MYNN: variants seen among roughly 807,000 people sequenced by gnomAD.
The protein encoded by MYNN is zinc finger and BTB domain-containing protein 31.
Under a neutral mutation model 57.2 loss-of-function variants are expected in MYNN, and 22 were observed. That is an observed-to-expected ratio of 0.38 (90% CI 0.27 to 0.55). The LOEUF (loss-of-function observed/expected upper bound fraction) is 0.55. MYNN is among the 20% of genes least tolerant of loss of function. MYNN has a pLI of 0.71. For missense variants in MYNN, 566 were observed against 723.1 expected (o/e 0.78, Z 2.49); for synonymous variants, 241 against 257.1 (o/e 0.94, Z 0.60).
rs1311909214 is a variant in MYNN, at chr3:169,786,751, T to C, written c.*73T>C. On this transcript the variant is annotated 3_prime_UTR_variant, in exon 8 of 8. Coordinates refer to ENST00000349841, the MANE Select transcript of MYNN (RefSeq NM_018657.5). ...CTCTGGTAAGGTGCATATATTCATATTAAATTCCCATTCATTTGAGTTGTG... is the reference window on the plus strand; with the variant it reads ...CTCTGGTAAGGTGCATATATTCATACTAAATTCCCATTCATTTGAGTTGTG... 1.6e-5 allele frequency: 23 copies of C among 1,421,168 alleles called. No homozygotes were observed. The highest frequency in any genetic ancestry group is 2.1e-5 in the Non-Finnish European group (22 of 1,040,974). The allele number at this position is 1,421,168 out of a possible 1,614,324, so 88.0% of individuals were successfully genotyped here.
Position 169,788,707 on chromosome 3 carries a change from TGAGC to T in MYNN, c.*2030_*2033del, listed in dbSNP as rs1305753114. ...TACGATTGAAGTGGCTAAGATTGAT[TGAGC>T]TTTTCTTGATCACATTTTCTGCTTC... On this transcript the variant is annotated 3_prime_UTR_variant, in exon 8 of 8. Coordinates refer to ENST00000349841, the MANE Select transcript of MYNN (RefSeq NM_018657.5). 2.0e-5 allele frequency: 3 copies of T among 152,178 alleles called. No individual in the cohort carries two copies. Among genetic ancestry groups the T allele is most frequent in the African/African-American group, 7.2e-5 (3 of 41,462 alleles). The allele number at this position is 152,178 out of a possible 1,614,324, so 9.4% of individuals were successfully genotyped here. A position where few individuals can be genotyped will look rare whatever the true frequency, so the allele number is the denominator to read the frequency against.
In MYNN at chr3:169,779,127, T is replaced by C. The variant is rs778714964; in HGVS notation, c.626T>C (p.Val209Ala). Residue 209 changes from valine (V) to alanine (A), a missense_variant, in exon 3 of 8, where the codon GTT becomes GCT. Physicochemically the swap from Val to Ala is moderately conservative, Grantham distance 64. Around this residue, in one of 4 missense-constraint regions of MYNN, gnomAD observed 261 missense variants for 280.8 expected, o/e 0.93. Transcript: ENST00000349841. ...AGTGACATCTTAGAGAATGCATCTG[T>C]TGAATTATTCCTAGATGCAAATAAA... The part of the protein sequence containing the change: ...YPSDILENAS[V>A]ELFLDANKLP... 3 of 1,614,014 alleles carry C rather than the reference T, an allele frequency of 1.9e-6. No individual in the cohort carries two copies. Among genetic ancestry groups the C allele is most frequent in the Non-Finnish European group, 2.5e-6 (3 of 1,179,974 alleles).
In MYNN at chr3:169,787,004, A is replaced by T. The variant is rs1226483345; in HGVS notation, c.*326A>T. On this transcript the variant is annotated 3_prime_UTR_variant, in exon 8 of 8. Coordinates refer to ENST00000349841, the MANE Select transcript of MYNN (RefSeq NM_018657.5). ...CTTCATTTACTAAATCAGCCAGTTA[A>T]TGTGATTCAGTTGTGACCTGTGGGA... 1 of 261,716 alleles carries T rather than the reference A, an allele frequency of 3.8e-6. No homozygotes were observed. Among genetic ancestry groups the T allele is most frequent in the Non-Finnish European group, 7.5e-6 (1 of 132,658 alleles). 16.2% of individuals were successfully genotyped at this position (261,716 alleles called of 1,614,324 possible). A position where few individuals can be genotyped will look rare whatever the true frequency, so the allele number is the denominator to read the frequency against.
Position 169,787,378 on chromosome 3 carries a change from A to C in MYNN, c.*700A>C, listed in dbSNP as rs945027188. On this transcript the variant is annotated 3_prime_UTR_variant, in exon 8 of 8. Transcript: ENST00000349841. ...TATTTTCAAAATGAATTTTAAGTAG[A>C]TATTTGGTGTTTTTATCTTGTCAAA... 9.2e-5 allele frequency: 14 copies of C among 152,188 alleles called. No homozygotes were observed. Among genetic ancestry groups the C allele is most frequent in the Admixed American group, 8.5e-4 (13 of 15,284 alleles). The allele number at this position is 152,188 out of a possible 1,614,324, so 9.4% of individuals were successfully genotyped here.
rs17568472 is a variant in MYNN at position 169,774,448 on chromosome 3, G to A, written c.153G>A (p.Ala51=). 6.5e-3 allele frequency: 10,515 copies of A among 1,614,082 alleles called. 49 individuals are homozygous for A. Among genetic ancestry groups the A allele is most frequent in the Non-Finnish European group, 7.7e-3 (9,100 of 1,179,998 alleles). Residue 51 remains alanine, a synonymous_variant, in exon 2 of 8, where the codon GCG becomes GCA. Coordinates refer to ENST00000349841, the MANE Select transcript of MYNN (RefSeq NM_018657.5). ...VLASFSEYFG[A]IYRSTSENNV... ...CCTCCTTTAGTGAGTATTTTGGTGC[G>A]ATCTACAGAAGCACTTCTGAGAACA...
rs926141456 is a variant in MYNN at position 169,774,247 on chromosome 3, T to C, written c.-31-18T>C. 1.3e-6 allele frequency: 2 copies of C among 1,585,240 alleles called. No homozygotes were observed. The highest frequency in any genetic ancestry group is 1.7e-6 in the Non-Finnish European group (2 of 1,158,112). ...AGAACTTACGGTTACTGATTTACTG[T>C]TTCTTTTTGTCTTTTAGATCAAGGG... On this transcript the variant is annotated intron_variant, in intron 1 of 7. Coordinates refer to ENST00000349841, the MANE Select transcript of MYNN (RefSeq NM_018657.5).
At chr3:169,780,416 A>G in intron 3 of MYNN, 174 bp from the exon 4 acceptor site, 1 of 479,506 alleles carries the variant, frequency 2.1e-6, no homozygotes, top group Non-Finnish European at 3.6e-6. Flanking sequence ...AGAAACACTA[A>G]TTTCTTTTGA....
Position 169,782,708 on chromosome 3 carries a change from C to G in MYNN, c.1399+65C>G. The G allele has an allele frequency of 1.5e-6, 2 of 1,362,718 alleles. No individual in the cohort carries two copies. The highest frequency in any genetic ancestry group is 2.0e-6 in the Non-Finnish European group (2 of 993,630). 84.4% of individuals were successfully genotyped at this position (1,362,718 alleles called of 1,614,324 possible). ...AAATAAAAGAAAAAGGGGACTTGGG[C>G]CTTTTAGCGAAGTAGATCGGAAACT... On this transcript the variant is annotated intron_variant, in intron 5 of 7. Coordinates refer to ENST00000349841, the MANE Select transcript of MYNN (RefSeq NM_018657.5). The surrounding 1 kb of genome is among the most constrained non-coding windows in gnomAD (Gnocchi z 4.8).
At chr3:169,785,931 C>A (rs1342075745) in intron 7 of MYNN, among the ~76,000 whole-genome samples, 1 of 152,048 alleles carries the variant, frequency 6.6e-6, no homozygotes, top group Non-Finnish European at 1.5e-5. Flanking sequence ...CTGTTCTGAA[C>A]TCACAGAATA....
chr3:169,785,040 C>A (rs1778633015), intron 7 of MYNN, among the ~76,000 whole-genome samples: 1 of 123,618 alleles, frequency 8.1e-6, no homozygotes, highest in African/African-American at 3.2e-5. Flanking sequence ...CTGGATAACT[C>A]AGGGTTTACT....
rs1372468446 is a variant in MYNN, at chr3:169,786,655, A to G, written c.1810A>G (p.Ile604Val). ...TVNGYSEPQL[I>V]FLQQLY ...GAATGGGTATTCAGAACCACAGTTG[A>G]TTTTTTTACAACAATTATACTGACT... The change falls in exon 8 of 8, where the codon ATT becomes GTT. Residue 604 changes from isoleucine to valine, a missense_variant. By Grantham distance (29) the Ile-to-Val change is conservative (BLOSUM62 3). Transcript: ENST00000349841. 3 of 1,612,874 alleles carry G rather than the reference A, an allele frequency of 1.9e-6. No individual in the cohort carries two copies. Among genetic ancestry groups the G allele is most frequent in the Non-Finnish European group, 2.5e-6 (3 of 1,179,322 alleles).
chr3:169,786,863 T>C lies in MYNN; in HGVS notation c.*185T>C. ...GTTTTTATTTTTGGCTTTATGTCTA[T>C]ACTCCACAGAGAGCTTTTTAAGTAA... On this transcript the variant is annotated 3_prime_UTR_variant, in exon 8 of 8. Transcript: ENST00000349841. 1 of 597,014 alleles carries C rather than the reference T, an allele frequency of 1.7e-6. No individual in the cohort carries two copies. Among genetic ancestry groups the C allele is most frequent in the South Asian group, 2.2e-5 (1 of 45,098 alleles). 37.0% of individuals were successfully genotyped at this position (597,014 alleles called of 1,614,324 possible). A position where few individuals can be genotyped will look rare whatever the true frequency, so the allele number is the denominator to read the frequency against.
Position 169,786,620 on chromosome 3 carries a change from G to T in MYNN, c.1775G>T (p.Arg592Met). 1 of 1,613,446 alleles carries T rather than the reference G, an allele frequency of 6.2e-7. No homozygotes were observed. The highest frequency in any genetic ancestry group is 8.5e-7 in the Non-Finnish European group (1 of 1,179,562). Residue 592 changes from arginine (R) to methionine (M), a missense_variant, in exon 8 of 8, where the codon AGG becomes ATG. Coordinates refer to ENST00000349841, the MANE Select transcript of MYNN (RefSeq NM_018657.5). ...TQSPTSDTLL[R>M]STVNGYSEPQ... ...TCTCCTACATCAGATACATTGTTGAGGTCAACTGTGAATGGGTATTCAGAA... is the reference window on the plus strand; with the variant it reads ...TCTCCTACATCAGATACATTGTTGATGTCAACTGTGAATGGGTATTCAGAA...
intron 4 of MYNN, among the ~76,000 whole-genome samples, chr3:169,781,113 GAAAT>G (rs146383374): frequency 0.014 from 2,180 of 152,310 alleles, 28 homozygotes; most frequent in South Asian, 0.052. Context: ...AGCAGTGAAA[GAAAT>G]AAGTAGTAGT....
At chr3:169,784,808 G>C in intron 7 of MYNN, 100 bp downstream of exon 7, 1 of 648,896 alleles carries the variant, frequency 1.5e-6, no homozygotes, top group South Asian at 2.5e-5. Flanking sequence ...CATTTAAGCA[G>C]TTTAAATTAG....
At chr3:169,774,619 A>T in intron 2 of MYNN, 58 bp downstream of exon 2, 1 of 1,469,928 alleles carries the variant, frequency 6.8e-7, no homozygotes, top group East Asian at 2.3e-5. Flanking sequence ...TCACAGCAAA[A>T]GTAGATTTGT....
chr3:169,778,953 A>G lies in MYNN; in HGVS notation c.452A>G (p.Asn151Ser). 2.5e-6 allele frequency: 4 copies of G among 1,613,876 alleles called. No individual in the cohort carries two copies. Among genetic ancestry groups the G allele is most frequent in the Non-Finnish European group, 3.4e-6 (4 of 1,180,008 alleles). Residue 151 changes from asparagine (N) to serine (S), a missense_variant, in exon 3 of 8, where the codon AAT becomes AGT. Asn to Ser is a conservative substitution (Grantham distance 46). This residue lies in a region of MYNN where 261 missense variants were observed against 280.8 expected (regional missense o/e 0.93). Transcript: ENST00000349841. ...QTCLLTLRDY[N>S]NREKSEVSTD... ...TGTCTTCTTACTCTGCGAGATTATA[A>G]TAATCGAGAGAAATCAGAAGTATCT...
Position 169,784,628 on chromosome 3 carries a change from G to T in MYNN, c.1490G>T (p.Arg497Ile). The stretch of plus-strand genomic sequence containing the variant: ...CTTCTAATTTGTTTTTCAGGAGAAA[G>T]ACCATTTATCTGCGAATTATGTGGA... ...NKHFRSHTGERPFICELCGNS... is the reference protein window; with the variant it reads ...NKHFRSHTGEIPFICELCGNS... Residue 497 changes from arginine to isoleucine, a missense_variant, in exon 7 of 8, where the codon AGA becomes ATA. Physicochemically the swap from Arg to Ile is moderately conservative, Grantham distance 97. Transcript: ENST00000349841. 6.4e-7 allele frequency: 1 copy of T among 1,558,170 alleles called. No homozygotes were observed. The highest frequency in any genetic ancestry group is 1.2e-5 in the South Asian group (1 of 83,330).
rs759590366 is a variant in MYNN at position 169,786,617 on chromosome 3, T to G, written c.1772T>G (p.Leu591Trp). ...DTQSPTSDTL[L>W]RSTVNGYSEP... ...CAGTCTCCTACATCAGATACATTGTTGAGGTCAACTGTGAATGGGTATTCA... is the reference window on the plus strand; with the variant it reads ...CAGTCTCCTACATCAGATACATTGTGGAGGTCAACTGTGAATGGGTATTCA... Residue 591 changes from leucine to tryptophan, a missense_variant, in exon 8 of 8, where the codon TTG becomes TGG. Around this residue, in one of 4 missense-constraint regions of MYNN, gnomAD observed 156 missense variants for 163.9 expected, o/e 0.95. Coordinates refer to ENST00000349841, the MANE Select transcript of MYNN (RefSeq NM_018657.5). 4.2e-5 allele frequency: 67 copies of G among 1,613,484 alleles called. No individual in the cohort carries two copies. The highest frequency in any genetic ancestry group is 5.4e-5 in the Non-Finnish European group (64 of 1,179,606).
Sources: gnomAD v4.1 joint callset for allele counts (sites outside exome capture counted in the v4.1 genomes callset) on GRCh38, gnomAD v4.1.1 for gene constraint, gnomAD v4.1.1 regional missense constraint, Gnocchi (gnomAD v3.1) non-coding constraint, MANE v1.5 for transcripts, NCBI Gene and HGNC (gene_info 2026-07-23, HGNC 2026-07-21) for gene names.